IL17RD: variants seen among roughly 807,000 people sequenced by gnomAD.
IL17RD encodes the protein interleukin-17 receptor D.
A neutral mutation model predicts 80.5 loss-of-function variants in IL17RD; 52 were observed. That is an observed-to-expected ratio of 0.65 (90% CI 0.52 to 0.81). IL17RD has a LOEUF of 0.81. Among genes scored for constraint, IL17RD ranks in the 40% least tolerant of loss-of-function variants. The pLI, the probability that IL17RD is intolerant of heterozygous loss-of-function variation, is 0.00. For missense variants in IL17RD, 1,024 were observed against 955.1 expected (o/e 1.07, Z -0.95); for synonymous variants, 416 against 391.8 (o/e 1.06, Z -0.73).
intron 5 of IL17RD, among the ~76,000 whole-genome samples, chr3:57,108,741 A>G (rs367736516): frequency 6.6e-6 from 1 of 150,930 alleles, no homozygotes; most frequent in Non-Finnish European, 1.5e-5. Flanking sequence ...GTCTCGAACT[A>G]CTGACCTCAG....
chr3:57,148,103 G>C (rs930513593), intron 1 of IL17RD, among the ~76,000 whole-genome samples: 1 of 81,662 alleles, frequency 1.2e-5, no homozygotes, highest in Non-Finnish European at 2.4e-5. Context: ...GGGGGGGGGG[G>C]GCGATCGCTA....
chr3:57,101,852 A>G (rs973415622), intron 10 of IL17RD, among the ~76,000 whole-genome samples: 1 of 152,158 alleles, frequency 6.6e-6, no homozygotes, highest in Non-Finnish European at 1.5e-5. Context: ...ATCATTTCCA[A>G]CTCCTCAGAA....
chr3:57,124,974 G>A (rs967213830), intron 1 of IL17RD, among the ~76,000 whole-genome samples: 1 of 152,276 alleles, frequency 6.6e-6, no homozygotes, highest in South Asian at 2.1e-4. Context: ...AGGCTTCTGT[G>A]GGCTGACCTG....
chr3:57,104,946 C>T (rs955674322), intron 7 of IL17RD, among the ~76,000 whole-genome samples: 14 of 152,278 alleles, frequency 9.2e-5, no homozygotes, highest in Middle Eastern at 3.4e-3. Context: ...ATCCATGAAA[C>T]GGTTTCCACT....
intron 1 of IL17RD, among the ~76,000 whole-genome samples, chr3:57,145,150 G>A (rs1169021511): frequency 6.6e-6 from 1 of 152,216 alleles, no homozygotes; most frequent in Non-Finnish European, 1.5e-5. Context: ...GTTGCTGACA[G>A]AAAGGCCTCT....
intron 5 of IL17RD, among the ~76,000 whole-genome samples, chr3:57,107,147 G>A (rs949571610): frequency 5.3e-5 from 8 of 152,292 alleles, no homozygotes; most frequent in African/African-American, 1.7e-4. Context: ...GGGAGGCTGA[G>A]GCGGGTGGAT....
In IL17RD at chr3:57,127,250, AT is replaced by A. The variant is rs1283996990; in HGVS notation, c.127-6938del. Among the ~76,000 whole-genome samples the A allele has an allele frequency of 3.7e-4, 37 of 101,190 alleles. 2 individuals carry two copies. Among genetic ancestry groups the A allele is most frequent in the African/African-American group, 1.7e-3 (36 of 20,842 alleles). 66.4% of individuals were successfully genotyped at this position (101,190 alleles called of 152,430 possible). ...TATATAAAAATATATAAATATATAT[AT>A]AAATATATATAAATATATATAAAAA... On this transcript the variant is annotated intron_variant, in intron 1 of 12. Transcript: ENST00000296318.
chr3:57,163,201 G>C (rs183316305), intron 1 of IL17RD, among the ~76,000 whole-genome samples: 1 of 152,196 alleles, frequency 6.6e-6, no homozygotes, highest in Non-Finnish European at 1.5e-5. Flanking sequence ...TGGCCCAGAG[G>C]CCTCTACGAT....
chr3:57,096,619 C>T (rs184497506), intron 12 of IL17RD, 114 bp from the exon 13 acceptor site: 13 of 725,052 alleles, frequency 1.8e-5, no homozygotes, highest in South Asian at 4.9e-5. Flanking sequence ...TCTGTATAAA[C>T]GAGGCAAGAA....
chr3:57,117,998 C>CTT (rs1707253233), intron 2 of IL17RD, among the ~76,000 whole-genome samples: 1 of 152,152 alleles, frequency 6.6e-6, no homozygotes, highest in Non-Finnish European at 1.5e-5. Context: ...CAGCAAGATA[C>CTT]TTTAAAGTTT....
At chr3:57,125,474 A>C (rs1268142420) in intron 1 of IL17RD, among the ~76,000 whole-genome samples, 5 of 152,250 alleles carry the variant, frequency 3.3e-5, no homozygotes, top group Non-Finnish European at 5.9e-5. Context: ...ACATATATCA[A>C]GTGCTCAGCA....
At chr3:57,165,426 G>GC (rs1207544370), upstream of IL17RD, 7 of 602,194 alleles carry the variant, frequency 1.2e-5, no homozygotes, top group Non-Finnish European at 1.3e-5. Flanking sequence ...CCCGGGCCCC[G>GC]CCCCCACCCT....
chr3:57,113,061 T>C (rs1707133777), intron 3 of IL17RD, among the ~76,000 whole-genome samples: 1 of 152,164 alleles, frequency 6.6e-6, no homozygotes, highest in South Asian at 2.1e-4. Flanking sequence ...TTCTGGGGGT[T>C]CAAACCCAGG....
At chr3:57,121,108 T>C (rs1045508120) in intron 1 of IL17RD, among the ~76,000 whole-genome samples, 1 of 152,216 alleles carries the variant, frequency 6.6e-6, no homozygotes, top group Non-Finnish European at 1.5e-5. Context: ...GTTTCTGTAA[T>C]ACTCTGCAAA....
intron 1 of IL17RD, among the ~76,000 whole-genome samples, chr3:57,132,903 C>A (rs2107516901): frequency 6.6e-6 from 1 of 152,300 alleles, no homozygotes; most frequent in East Asian, 1.9e-4. Context: ...TCCTGCTCAA[C>A]TGCCTTTGCA....
In IL17RD at chr3:57,095,664, C is replaced by T. The variant is rs1033113717; in HGVS notation, c.*729G>A. 1 of 152,262 alleles carries T rather than the reference C, an allele frequency of 6.6e-6. No individual in the cohort carries two copies. The highest frequency in any genetic ancestry group is 2.4e-5 in the African/African-American group (1 of 41,446). 9.4% of individuals were successfully genotyped at this position (152,262 alleles called of 1,614,324 possible). Reference sequence around the variant, plus strand: ...GCCCCCACATGATGCCTACTCAGACCAAGAGGAGGCTGTGTGTGCTGAGGT... The same window carrying T: ...GCCCCCACATGATGCCTACTCAGACTAAGAGGAGGCTGTGTGTGCTGAGGT... On this transcript the variant is annotated 3_prime_UTR_variant, in exon 13 of 13. Coordinates refer to ENST00000296318, the MANE Select transcript of IL17RD (RefSeq NM_017563.5).
upstream of IL17RD, among the ~76,000 whole-genome samples, chr3:57,167,836 C>CT (rs960600645): frequency 2.0e-5 from 3 of 151,656 alleles, no homozygotes; most frequent in Admixed American, 6.6e-5. Flanking sequence ...TATTCTTTCT[C>CT]TTTTTTTTTC....
chr3:57,098,242 G>A lies in IL17RD; in HGVS notation c.1461C>T (p.Asp487=), dbSNP rs1335167075. Residue 487 remains aspartate (D), a synonymous_variant, in exon 12 of 13, where the codon GAC becomes GAT. Transcript: ENST00000296318. The part of the protein sequence containing the change: ...AVYFDYSCEG[D]VPGILDLSTK... ...TACTCAGGTCTAGGATACCGGGGAC[G>A]TCTCCCTCGCAGGAATAATCAAAGT... The A allele has an allele frequency of 1.9e-6, 3 of 1,613,902 alleles. No homozygotes were observed. The highest frequency in any genetic ancestry group is 2.2e-5 in the East Asian group (1 of 44,878).
rs1163022681 is a variant in IL17RD at position 57,127,353 on chromosome 3, T to A, written c.127-7040A>T. Reference sequence around the variant, plus strand: ...ATATATATAAAAATATATATAAATATATATAAATATAAATATATATATATA... The same window carrying A: ...ATATATATAAAAATATATATAAATAAATATAAATATAAATATATATATATA... On this transcript the variant is annotated intron_variant, in intron 1 of 12. Coordinates refer to ENST00000296318, the MANE Select transcript of IL17RD (RefSeq NM_017563.5). Among the ~76,000 whole-genome samples the A allele has an allele frequency of 1.6e-4, 16 of 100,898 alleles. 1 individual carries two copies. Among genetic ancestry groups the A allele is most frequent in the African/African-American group, 7.5e-4 (14 of 18,640 alleles). 66.2% of individuals were successfully genotyped at this position (100,898 alleles called of 152,430 possible).
Sources: allele counts gnomAD v4.1 joint callset (sites outside exome capture counted in the v4.1 genomes callset), GRCh38; gene constraint gnomAD v4.1.1; transcripts MANE v1.5; gene names NCBI Gene and HGNC (gene_info 2026-07-23, HGNC 2026-07-21).